The following PDRG1 variants were observed in gnomAD, a reference collection of about 807,000 sequenced individuals.
The protein encoded by PDRG1 is p53 and DNA damage-regulated protein 1.
Under a neutral mutation model 18.4 loss-of-function variants are expected in PDRG1, and 14 were observed. The observed-to-expected ratio is 0.76, with a 90% CI of 0.50 to 1.19. The LOEUF (loss-of-function observed/expected upper bound fraction) is 1.19. Among genes scored for constraint, PDRG1 ranks in the 50% most tolerant of loss-of-function variants. The probability of loss-of-function intolerance (pLI) is 0.00; values close to 1 mark genes in which losing one functional copy is unlikely to be tolerated. For missense variants in PDRG1, 177 were observed against 160.1 expected (o/e 1.11, Z -0.57); for synonymous variants, 65 against 60.9 (o/e 1.07, Z -0.31).
At chr20:31,946,402 C>T (rs2064319250) in intron 4 of PDRG1, 94 bp downstream of exon 4, 3 of 1,194,218 alleles carry the variant, frequency 2.5e-6, no homozygotes, top group Non-Finnish European at 3.7e-6. Context: ...GGACACTGCC[C>T]ATCTCTGAGG....
In PDRG1 at chr20:31,950,417, A is replaced by G. The variant is rs759504171; in HGVS notation, c.88-30T>C. ...AAACCACAGGGACAGGAGGGAACTC[A>G]GCTATCTCTTGCCCCAAGCTGTCAC... On this transcript the variant is annotated intron_variant, in intron 1 of 4. Transcript: ENST00000202017. 2.6e-6 allele frequency: 4 copies of G among 1,550,908 alleles called. No individual in the cohort carries two copies. The Admixed American group carries it at 5.0e-5, about 19-fold the overall frequency.
Position 31,945,965 on chromosome 20 carries a change from G to A in PDRG1, c.320-76C>T, listed in dbSNP as rs546992791. 3.8e-5 allele frequency: 47 copies of A among 1,246,966 alleles called. No homozygotes were observed. In the East Asian group the frequency reaches 7.7e-4, roughly 20 times the overall value. 77.2% of individuals were successfully genotyped at this position (1,246,966 alleles called of 1,614,324 possible). A position where few individuals can be genotyped will look rare whatever the true frequency, so the allele number is the denominator to read the frequency against. On this transcript the variant is annotated intron_variant, in intron 4 of 4. Transcript: ENST00000202017. ...AGCCAGGCCCAGGAAAGGGGCTGAC[G>A]CTGCACTAATGCTGCCAAACTCAGC...
Position 31,945,907 on chromosome 20 carries a change from C to T in PDRG1, c.320-18G>A, listed in dbSNP as rs552621030. On this transcript the variant is annotated intron_variant, in intron 4 of 4. Coordinates refer to ENST00000202017, the MANE Select transcript of PDRG1 (RefSeq NM_030815.3). ...CGGTTTGCCTAGGAGAGAAGATGATCCATCAGCACGTCGGGCCTCCTGCTG... is the reference window on the plus strand; with the variant it reads ...CGGTTTGCCTAGGAGAGAAGATGATTCATCAGCACGTCGGGCCTCCTGCTG... The T allele has an allele frequency of 3.7e-6, 6 of 1,607,184 alleles. No homozygotes were observed. Among genetic ancestry groups the T allele is most frequent in the African/African-American group, 2.7e-5 (2 of 74,884 alleles).
intron 1 of PDRG1, among the ~76,000 whole-genome samples, chr20:31,951,488 C>A (rs2064351551): frequency 6.6e-6 from 1 of 152,188 alleles, no homozygotes; most frequent in Admixed American, 6.5e-5. Flanking sequence ...CAGGGCGCCA[C>A]CTTCCCCCAC....
chr20:31,947,342 A>T (rs1296119112), intron 3 of PDRG1, among the ~76,000 whole-genome samples: 5 of 152,228 alleles, frequency 3.3e-5, no homozygotes, highest in Admixed American at 3.3e-4. Context: ...CCCAATGTCC[A>T]TGAGCTTGTT....
intron 3 of PDRG1, among the ~76,000 whole-genome samples, chr20:31,948,474 G>A (rs1285218160): frequency 6.6e-6 from 1 of 152,222 alleles, no homozygotes; most frequent in Non-Finnish European, 1.5e-5. Context: ...AATTTCTTAT[G>A]CAAGAGTAAA....
rs2064301266 is a variant in PDRG1, at chr20:31,945,069, C to A, written c.*738G>T. On this transcript the variant is annotated 3_prime_UTR_variant, in exon 5 of 5. Coordinates refer to ENST00000202017, the MANE Select transcript of PDRG1 (RefSeq NM_030815.3). ...ACCACTGAAGGCAGACAGTAACGAG[C>A]AGTGCTGGCCGGGCCCCACTTTCAG... 6.6e-6 allele frequency: 1 copy of A among 152,256 alleles called. No homozygotes were observed. The highest frequency in any genetic ancestry group is 2.4e-5 in the African/African-American group (1 of 41,464). The allele number at this position is 152,256 out of a possible 1,614,324, so 9.4% of individuals were successfully genotyped here.
chr20:31,947,364 G>A (rs1362805541), intron 3 of PDRG1, among the ~76,000 whole-genome samples: 1 of 152,136 alleles, frequency 6.6e-6, no homozygotes, highest in Non-Finnish European at 1.5e-5. Flanking sequence ...AGCCTATGTT[G>A]ATCCCCAAGA....
chr20:31,948,188 A>C (rs2064330404), intron 3 of PDRG1, among the ~76,000 whole-genome samples: 1 of 152,196 alleles, frequency 6.6e-6, no homozygotes, highest in Admixed American at 6.5e-5. Context: ...ATTGCAGGGC[A>C]TGTAAAAAAG....
In PDRG1 at chr20:31,944,772, G is replaced by T. The variant is rs1228868437; in HGVS notation, c.*1035C>A. 1 of 152,204 alleles carries T rather than the reference G, an allele frequency of 6.6e-6. No homozygotes were observed. Among genetic ancestry groups the T allele is most frequent in the Non-Finnish European group, 1.5e-5 (1 of 68,056 alleles). 9.4% of individuals were successfully genotyped at this position (152,204 alleles called of 1,614,324 possible). A position where few individuals can be genotyped will look rare whatever the true frequency, so the allele number is the denominator to read the frequency against. ...ACAGCCTGTGTTTCTATGTAACTATGAGCCAGAGCCAAGGAGCGGGGGGAC... is the reference window on the plus strand; with the variant it reads ...ACAGCCTGTGTTTCTATGTAACTATTAGCCAGAGCCAAGGAGCGGGGGGAC... On this transcript the variant is annotated 3_prime_UTR_variant, in exon 5 of 5. Transcript: ENST00000202017.
chr20:31,951,990 C>G lies in PDRG1; in HGVS notation c.-29G>C, dbSNP rs200488584. 1,290 of 1,517,556 alleles carry G rather than the reference C, an allele frequency of 8.5e-4. 7 individuals are homozygous for G. The African/African-American group carries it at 0.017, about 20-fold the overall frequency. The allele number at this position is 1,517,556 out of a possible 1,614,324, so 94.0% of individuals were successfully genotyped here. A position where few individuals can be genotyped will look rare whatever the true frequency, so the allele number is the denominator to read the frequency against. On this transcript the variant is annotated 5_prime_UTR_variant, in exon 1 of 5. Transcript: ENST00000202017. ...GCCCACCAACTCCGCTTGCGGCTCT[C>G]GCGCGACCCCGGGATCTCCGCTTCG...
At chr20:31,950,214 C>T (rs2064343579) in intron 2 of PDRG1, 98 bp downstream of exon 2, 2 of 973,008 alleles carry the variant, frequency 2.1e-6, no homozygotes, top group South Asian at 2.9e-5. Flanking sequence ...AGTTATACAG[C>T]TGTGACCTCC....
At position 31,945,819 on chromosome 20, in the gene PDRG1, G is replaced by A; in HGVS notation, c.390C>T (p.Ile130=). The part of the protein sequence containing the change: ...NQDELKALKV[I]LKG ...TGGTTCTTGAGTCTCATCCTTTCAA[G>A]ATGACCTTGAGAGCTTTAAGCTCAT... is the stretch of plus-strand genomic sequence containing the variant. The change falls in exon 5 of 5, where the codon ATC becomes ATT. Residue 130 remains isoleucine, a synonymous_variant. Coordinates refer to ENST00000202017, the MANE Select transcript of PDRG1 (RefSeq NM_030815.3). The A allele has an allele frequency of 6.2e-7, 1 of 1,613,834 alleles. No individual in the cohort carries two copies. Among genetic ancestry groups the A allele is most frequent in the East Asian group, 2.2e-5 (1 of 44,880 alleles).
chr20:31,947,593 T>C (rs11908243), intron 3 of PDRG1, among the ~76,000 whole-genome samples: 2,637 of 152,294 alleles, frequency 0.017, 74 homozygotes, highest in African/African-American at 0.061. Context: ...TTCCTGTTAG[T>C]AGTTTTATGT....
chr20:31,946,067 A>C (rs1389376186), intron 4 of PDRG1, among the ~76,000 whole-genome samples, 178 bp from the exon 5 acceptor site: 1 of 152,202 alleles, frequency 6.6e-6, no homozygotes, highest in African/African-American at 2.4e-5. Context: ...TGTGTCACCA[A>C]GAGCCTGCAA....
At chr20:31,951,369 C>T (rs1234088511) in intron 1 of PDRG1, among the ~76,000 whole-genome samples, 1 of 152,200 alleles carries the variant, frequency 6.6e-6, no homozygotes, top group Non-Finnish European at 1.5e-5. Context: ...CTGTATTCCA[C>T]ACAGCAGCCA....
chr20:31,946,569 A>C lies in PDRG1; in HGVS notation c.246T>G (p.Asp82Glu), dbSNP rs2123677536. 1.2e-6 allele frequency: 2 copies of C among 1,611,620 alleles called. No homozygotes were observed. Among genetic ancestry groups the C allele is most frequent in the Non-Finnish European group, 1.7e-6 (2 of 1,177,922 alleles). The change falls in exon 4 of 5, where the codon GAT becomes GAG. Residue 82 changes from aspartate (D) to glutamate (E), a missense_variant. By Grantham distance (45) the Asp-to-Glu change is conservative. Transcript: ENST00000202017. ...ETKEMIEKDQ[D>E]HLDKEIEKLR... ...GTTTTTCTATTTCTTTATCCAGATG[A>C]TCTTGATCTGAAAAAATGAGGGGGG...
At chr20:31,948,970 C>G in intron 2 of PDRG1, 88 bp from the exon 3 acceptor site, 3 of 1,272,578 alleles carry the variant, frequency 2.4e-6, no homozygotes, top group Non-Finnish European at 3.3e-6. Flanking sequence ...GACAACAGAG[C>G]AGAACAAGAA....
chr20:31,945,964 C>T (rs1272264560), intron 4 of PDRG1, 75 bp from the exon 5 acceptor site: 35 of 1,255,640 alleles, frequency 2.8e-5, no homozygotes, highest in Admixed American at 3.9e-5. Context: ...AAGGGGCTGA[C>T]GCTGCACTAA....
Sources: allele counts gnomAD v4.1 joint callset (sites outside exome capture counted in the v4.1 genomes callset), GRCh38; gene constraint gnomAD v4.1.1; transcripts MANE v1.5; gene names NCBI Gene and HGNC (gene_info 2026-07-23, HGNC 2026-07-21).